Variants in SYT16 observed in about 807,000 individuals in gnomAD.
The protein encoded by SYT16 is synaptotagmin-16.
A neutral mutation model predicts 61.4 loss-of-function variants in SYT16; 42 were observed. The observed-to-expected ratio is 0.68, with a 90% CI of 0.53 to 0.89. The LOEUF is 0.89. Ranked by LOEUF, SYT16 falls within the 40% of genes least tolerant of loss-of-function variation. The probability of loss-of-function intolerance (pLI) is 0.00; values close to 1 mark genes in which losing one functional copy is unlikely to be tolerated. For missense variants in SYT16, 804 were observed against 807.3 expected, an observed-to-expected ratio of 1.00 and a Z score of 0.05; for synonymous variants, 314 against 302.3, an observed-to-expected ratio of 1.04 and a Z score of -0.40.
intron 1 of SYT16, among the ~76,000 whole-genome samples, chr14:61,849,139 A>C (rs1049730374): frequency 2.0e-5 from 3 of 152,076 alleles, no homozygotes; most frequent in Non-Finnish European, 4.4e-5. Context: ...GGGCCTCCGG[A>C]CTCTGTCTTG....
intron 7 of SYT16, among the ~76,000 whole-genome samples, chr14:62,086,641 A>C (rs1057017943): frequency 1.3e-5 from 2 of 152,244 alleles, no homozygotes; most frequent in Non-Finnish European, 2.9e-5. Context: ...TGAGGATGGA[A>C]CTATTATATC....
intron 1 of SYT16, among the ~76,000 whole-genome samples, chr14:61,949,489 G>T (rs1387674848): frequency 2.0e-5 from 3 of 152,106 alleles, no homozygotes; most frequent in South Asian, 4.2e-4. Flanking sequence ...ATGTTGCTCA[G>T]GCTGGAGTGC....
intron 7 of SYT16, among the ~76,000 whole-genome samples, chr14:62,086,346 G>A (rs182098877): frequency 2.0e-4 from 31 of 152,300 alleles, no homozygotes; most frequent in Non-Finnish European, 4.3e-4. Flanking sequence ...TGAGCTTGGT[G>A]GTGCACGCCT....
intron 1 of SYT16, among the ~76,000 whole-genome samples, chr14:61,858,023 A>G (rs1455511072): frequency 6.6e-6 from 1 of 151,662 alleles, no homozygotes; most frequent in African/African-American, 2.4e-5. Context: ...AACAGTGAGA[A>G]AGCCACTGTT....
chr14:61,906,089 G>A (rs1271171551), intron 1 of SYT16, among the ~76,000 whole-genome samples: 3 of 152,154 alleles, frequency 2.0e-5, no homozygotes, highest in Admixed American at 2.0e-4. Flanking sequence ...CTGAAAATTG[G>A]AGTTTATTAT....
intron 1 of SYT16, among the ~76,000 whole-genome samples, chr14:61,949,851 C>T (rs963211501): frequency 6.6e-6 from 1 of 152,184 alleles, no homozygotes; most frequent in African/African-American, 2.4e-5. Context: ...AGGAGGCACA[C>T]TTTTCTGGTG....
intron 1 of SYT16, among the ~76,000 whole-genome samples, chr14:61,918,694 G>C (rs1282633648): frequency 6.6e-6 from 1 of 151,754 alleles, no homozygotes; most frequent in East Asian, 1.9e-4. Context: ...CTCAAAGATA[G>C]CTCTGAAAAT....
intron 3 of SYT16, among the ~76,000 whole-genome samples, chr14:62,058,796 G>A (rs1022078931): frequency 5.3e-5 from 8 of 152,042 alleles, no homozygotes; most frequent in East Asian, 1.9e-4. Flanking sequence ...AAATTTTGTC[G>A]ATAGCAAAGA....
At chr14:62,017,446 A>T (rs1049311573) in intron 3 of SYT16, among the ~76,000 whole-genome samples, 1 of 152,200 alleles carries the variant, frequency 6.6e-6, no homozygotes, top group Non-Finnish European at 1.5e-5. Flanking sequence ...TGTCTAACAG[A>T]TACCTCAAAA....
In SYT16 at chr14:62,107,413, C is replaced by T. The variant is rs1214230557; in HGVS notation, c.*6706C>T. 1 of 152,058 alleles carries T rather than the reference C, an allele frequency of 6.6e-6. No individual in the cohort carries two copies. The highest frequency in any genetic ancestry group is 1.5e-5 in the Non-Finnish European group (1 of 68,042). The allele number at this position is 152,058 out of a possible 1,614,324, so 9.4% of individuals were successfully genotyped here. On this transcript the variant is annotated 3_prime_UTR_variant, in exon 8 of 8. Transcript: ENST00000683842. ...ATGCCACTGCATTCAGCCTGGGTAGCAGAGTGAGACTCTGTCTCAAAAAAA... is the reference window on the plus strand; with the variant it reads ...ATGCCACTGCATTCAGCCTGGGTAGTAGAGTGAGACTCTGTCTCAAAAAAA...
intron 7 of SYT16, among the ~76,000 whole-genome samples, chr14:62,091,885 A>C (rs144716482): frequency 1.1e-4 from 17 of 152,184 alleles, no homozygotes; most frequent in Non-Finnish European, 2.5e-4. Context: ...AATTTTGTGC[A>C]TCAAAAGATA....
intron 1 of SYT16, among the ~76,000 whole-genome samples, chr14:61,886,700 A>G (rs1195689952): frequency 3.3e-5 from 5 of 152,210 alleles, no homozygotes; most frequent in African/African-American, 1.2e-4. Flanking sequence ...AAAGTCATTC[A>G]TAAGGGTTGA....
Position 62,110,866 on chromosome 14 carries a change from A to G in SYT16, c.*10159A>G, listed in dbSNP as rs1024715139. The G allele has an allele frequency of 2.6e-5, 4 of 152,002 alleles. No individual in the cohort carries two copies. The highest frequency in any genetic ancestry group is 9.7e-5 in the African/African-American group (4 of 41,408). 9.4% of individuals were successfully genotyped at this position (152,002 alleles called of 1,614,324 possible). A position where few individuals can be genotyped will look rare whatever the true frequency, so the allele number is the denominator to read the frequency against. ...CCTTAGAAAAATTCTTCCCCTGCCA[A>G]AAAAGGTCCTTCAATCTCCTTTATT... On this transcript the variant is annotated 3_prime_UTR_variant, in exon 8 of 8. Coordinates refer to ENST00000683842, the MANE Select transcript of SYT16 (RefSeq NM_001367656.1).
chr14:61,868,763 T>A (rs185077888), intron 1 of SYT16, among the ~76,000 whole-genome samples: 3 of 152,198 alleles, frequency 2.0e-5, no homozygotes, highest in South Asian at 2.1e-4. Context: ...AAGAATATTT[T>A]GTTTTTGTTG....
At chr14:61,964,977 T>G (rs914205295) in intron 1 of SYT16, among the ~76,000 whole-genome samples, 7 of 152,098 alleles carry the variant, frequency 4.6e-5, no homozygotes, top group African/African-American at 1.4e-4. Flanking sequence ...ATTGCACATT[T>G]AAGAAACTAC....
intron 1 of SYT16, among the ~76,000 whole-genome samples, chr14:61,833,511 C>G (rs1265592388): frequency 6.6e-6 from 1 of 151,606 alleles, no homozygotes; most frequent in South Asian, 2.1e-4. Context: ...AGGCTGGTCT[C>G]GAACTTCTGA....
intron 7 of SYT16, 77 bp downstream of exon 7, chr14:62,084,462 C>T (rs2056820332): frequency 6.9e-7 from 1 of 1,458,488 alleles, no homozygotes; most frequent in African/African-American, 1.5e-5. Context: ...CATCTTAGTT[C>T]TTTAATTTTT....
At chr14:61,925,077 A>T (rs2049482141) in intron 1 of SYT16, among the ~76,000 whole-genome samples, 1 of 152,196 alleles carries the variant, frequency 6.6e-6, no homozygotes, top group Non-Finnish European at 1.5e-5. Flanking sequence ...CGCCCTCTTG[A>T]TTTGGCACAG....
chr14:61,856,206 G>A (rs1286703518), intron 1 of SYT16, among the ~76,000 whole-genome samples: 1 of 152,158 alleles, frequency 6.6e-6, no homozygotes, highest in Non-Finnish European at 1.5e-5. Flanking sequence ...GAAGAGTTTT[G>A]ATAACAGAAT....
Sources: allele counts gnomAD v4.1 joint callset (sites outside exome capture counted in the v4.1 genomes callset), GRCh38; gene constraint gnomAD v4.1.1; transcripts MANE v1.5; gene names NCBI Gene and HGNC (gene_info 2026-07-23, HGNC 2026-07-21).